The following CWF19L2 variants were observed in gnomAD, a reference collection of about 807,000 sequenced individuals.
CWF19L2 encodes CWF19-like protein 2.
In CWF19L2, 98 loss-of-function variants were observed where a neutral mutation model predicts 111.7. That is an observed-to-expected ratio of 0.88 (90% CI 0.75 to 1.04). The LOEUF is 1.04. Ranked by LOEUF, CWF19L2 falls within the 50% of genes least tolerant of loss-of-function variation. The pLI is 0.00. For missense variants in CWF19L2, 1,101 were observed against 1,051.4 expected (o/e 1.05, Z -0.65); for synonymous variants, 351 against 342.9 (o/e 1.02, Z -0.26).
At chr11:107,397,571 C>T (rs1323205564) in intron 10 of CWF19L2, among the ~76,000 whole-genome samples, 1 of 151,680 alleles carries the variant, frequency 6.6e-6, no homozygotes, top group Admixed American at 6.6e-5. Context: ...ACCTGATGAT[C>T]CTTCCCAATC....
chr11:107,432,487 G>T (rs138042573), intron 7 of CWF19L2, among the ~76,000 whole-genome samples: 1 of 152,154 alleles, frequency 6.6e-6, no homozygotes, highest in Non-Finnish European at 1.5e-5. Context: ...GGAGGCTGAG[G>T]CAAGAGAATC....
chr11:107,402,232 G>A (rs1861011479), intron 10 of CWF19L2, among the ~76,000 whole-genome samples: 1 of 151,990 alleles, frequency 6.6e-6, no homozygotes, highest in Admixed American at 6.5e-5. Flanking sequence ...AAAAATAGCT[G>A]GGACCTATTA....
chr11:107,412,282 A>G (rs1861167176), intron 10 of CWF19L2, among the ~76,000 whole-genome samples: 1 of 152,218 alleles, frequency 6.6e-6, no homozygotes. Flanking sequence ...TCTGACAAAC[A>G]TACTCTTACC....
Position 107,402,873 on chromosome 11 carries a change from G to GTGTGTATGTATATATATATATATATA in CWF19L2, c.1618-9979_1618-9978insTATATATATATATATATACATACACA, listed in dbSNP as rs1247886311. ...CGAGTGGATAAACAAACTGTGGTGT[G>GTGTGTATGTATATATATATATATATA]TATATATATATATATATATATATAT... On this transcript the variant is annotated intron_variant, in intron 10 of 17. Coordinates refer to ENST00000282251, the MANE Select transcript of CWF19L2 (RefSeq NM_152434.3). 7.4e-5 allele frequency among the ~76,000 whole-genome samples: 7 copies of GTGTGTATGTATATATATATATATATA among 94,460 alleles called. 1 individual carries two copies. In the East Asian group the frequency reaches 1.2e-3, roughly 16 times the overall value. 62.0% of individuals were successfully genotyped at this position (94,460 alleles called of 152,430 possible).
At chr11:107,415,965 C>T (rs1346155390) in intron 10 of CWF19L2, among the ~76,000 whole-genome samples, 1 of 151,814 alleles carries the variant, frequency 6.6e-6, no homozygotes, top group Non-Finnish European at 1.5e-5. Flanking sequence ...GGCATGGTGG[C>T]GCACACCTGT....
chr11:107,401,709 C>A (rs1277985161), intron 10 of CWF19L2, among the ~76,000 whole-genome samples: 1 of 152,110 alleles, frequency 6.6e-6, no homozygotes, highest in African/African-American at 2.4e-5. Flanking sequence ...CACCATCACT[C>A]TTCACAGAAT....
At chr11:107,362,556 G>A (rs985853319) in intron 12 of CWF19L2, among the ~76,000 whole-genome samples, 2 of 152,052 alleles carry the variant, frequency 1.3e-5, no homozygotes, top group African/African-American at 4.8e-5. Flanking sequence ...ACCCCCAGGA[G>A]GGGCAGACTG....
At chr11:107,381,494 C>T (rs1860685908) in intron 12 of CWF19L2, among the ~76,000 whole-genome samples, 1 of 152,094 alleles carries the variant, frequency 6.6e-6, no homozygotes, top group Admixed American at 6.5e-5. Context: ...TTATGACATA[C>T]AAATTTCAAA....
Position 107,455,678 on chromosome 11 carries a change from T to A in CWF19L2, c.204A>T (p.Glu68Asp). The stretch of plus-strand genomic sequence containing the variant: ...TGTTAGTATTCACCTGTGAGAACTG[T>A]TCAATTCTCTCATTCACATCAGGTA... ...WMLPDVNERI[E>D]QFSQEHSVKK... is the part of the protein sequence containing the mutation. Residue 68 changes from glutamate (E) to aspartate (D), a missense_variant, in exon 2 of 18, where the codon GAA (glutamate) becomes GAT (aspartate). Physicochemically the swap from Glu to Asp is conservative, Grantham distance 45 (BLOSUM62 2). Coordinates refer to ENST00000282251, the MANE Select transcript of CWF19L2 (RefSeq NM_152434.3). The A allele has an allele frequency of 6.5e-7, 1 of 1,543,844 alleles. No homozygotes were observed. The highest frequency in any genetic ancestry group is 8.8e-7 in the Non-Finnish European group (1 of 1,140,506).
At chr11:107,330,655 CACACACA>C (rs1859835761) in intron 16 of CWF19L2, among the ~76,000 whole-genome samples, 1 of 71,832 alleles carries the variant, frequency 1.4e-5, no homozygotes. Context: ...CACACACACA[CACACACA>C]CACACACACA....
intron 10 of CWF19L2, among the ~76,000 whole-genome samples, chr11:107,396,329 T>G (rs1179716836): frequency 1.3e-5 from 2 of 152,224 alleles, no homozygotes; most frequent in African/African-American, 2.4e-5. Flanking sequence ...TACAGTTTGC[T>G]CTGGAGGACT....
intron 6 of CWF19L2, among the ~76,000 whole-genome samples, chr11:107,438,822 G>A (rs373659806): frequency 3.7e-4 from 56 of 152,186 alleles, no homozygotes; most frequent in African/African-American, 1.3e-3. Context: ...AGGCAGTTAG[G>A]TCAAGGCTTA....
intron 14 of CWF19L2, among the ~76,000 whole-genome samples, chr11:107,339,960 G>A (rs757624593): frequency 5.3e-5 from 8 of 152,078 alleles, no homozygotes; most frequent in Admixed American, 3.3e-4. Flanking sequence ...GAGGCACTGC[G>A]CTCAGCCAAT....
At chr11:107,334,501 T>C (rs1399798373) in intron 16 of CWF19L2, among the ~76,000 whole-genome samples, 3 of 152,194 alleles carry the variant, frequency 2.0e-5, no homozygotes, top group Non-Finnish European at 4.4e-5. Context: ...ATGGAACATC[T>C]AGGAAAATTT....
chr11:107,434,533 C>G (rs1476442814), intron 6 of CWF19L2, among the ~76,000 whole-genome samples: 1 of 151,976 alleles, frequency 6.6e-6, no homozygotes, highest in Non-Finnish European at 1.5e-5. Flanking sequence ...ACATTAACCC[C>G]AAGACATATA....
At chr11:107,442,659 G>A (rs1319245116) in intron 4 of CWF19L2, among the ~76,000 whole-genome samples, 2 of 150,782 alleles carry the variant, frequency 1.3e-5, no homozygotes, top group East Asian at 3.9e-4. Flanking sequence ...GGCCCAGCCT[G>A]GGCAACAGAG....
Position 107,329,991 on chromosome 11 carries a change from A to G in CWF19L2, c.2468T>C (p.Val823Ala), listed in dbSNP as rs751053718. 2 of 1,585,544 alleles carry G rather than the reference A, an allele frequency of 1.3e-6. No homozygotes were observed. The highest frequency in any genetic ancestry group is 4.6e-5 in the East Asian group (2 of 43,844). The change falls in exon 17 of 18, where the codon GTG becomes GCG. Residue 823 changes from valine to alanine, a missense_variant. By Grantham distance (64) the Val-to-Ala change is moderately conservative (BLOSUM62 0). Coordinates refer to ENST00000282251, the MANE Select transcript of CWF19L2 (RefSeq NM_152434.3). ...AAACCCTCCGTGAAGGCCAAAATCC[A>G]CAGAGAAGTAAGGTAACCCTCTGGG... ...SVPRGLPYFS[V>A]DFGLHGGFAH...
chr11:107,396,996 G>A (rs1194017624), intron 10 of CWF19L2, among the ~76,000 whole-genome samples: 14 of 152,200 alleles, frequency 9.2e-5, no homozygotes. Context: ...GTAGAGGAAG[G>A]AGCAGAAAGG....
chr11:107,389,601 A>C (rs1860818895), intron 12 of CWF19L2, among the ~76,000 whole-genome samples: 1 of 152,218 alleles, frequency 6.6e-6, no homozygotes, highest in Non-Finnish European at 1.5e-5. Context: ...GACGTGTTAA[A>C]ATAATATATA....
Sources: gnomAD v4.1 joint callset for allele counts (sites outside exome capture counted in the v4.1 genomes callset) on GRCh38, gnomAD v4.1.1 for gene constraint, MANE v1.5 for transcripts, NCBI Gene and HGNC (gene_info 2026-07-23, HGNC 2026-07-21) for gene names.